Variants in RHOJ observed in about 807,000 individuals in gnomAD.
RHOJ encodes rho-related GTP-binding protein RhoJ.
Under a neutral mutation model 23.4 loss-of-function variants are expected in RHOJ, and 11 were observed. That is an observed-to-expected ratio of 0.47 (90% CI 0.30 to 0.78). The LOEUF (loss-of-function observed/expected upper bound fraction) is 0.78, where lower values mean the gene tolerates loss of function less well. Ranked by LOEUF, RHOJ falls within the 30% of genes least tolerant of loss-of-function variation. The pLI is 0.08. For missense variants in RHOJ, 254 were observed against 273.4 expected, an observed-to-expected ratio of 0.93 and a Z score of 0.50; for synonymous variants, 102 against 102.7, an observed-to-expected ratio of 0.99 and a Z score of 0.04.
At chr14:63,226,596 A>G (rs1395668503) in intron 1 of RHOJ, among the ~76,000 whole-genome samples, 1 of 151,126 alleles carries the variant, frequency 6.6e-6, no homozygotes, top group African/African-American at 2.4e-5. Context: ...TATATATACA[A>G]GAATAAACAA....
At chr14:63,227,720 C>A (rs1894621165) in intron 1 of RHOJ, among the ~76,000 whole-genome samples, 1 of 152,148 alleles carries the variant, frequency 6.6e-6, no homozygotes, top group African/African-American at 2.4e-5. Flanking sequence ...AGAAGAAAAA[C>A]AAACTATTCA....
chr14:63,262,504 G>T (rs1361449318), intron 1 of RHOJ, among the ~76,000 whole-genome samples: 1 of 152,176 alleles, frequency 6.6e-6, no homozygotes, highest in Non-Finnish European at 1.5e-5. Context: ...TTTATTGAGA[G>T]AACCCTCTGA....
intron 1 of RHOJ, among the ~76,000 whole-genome samples, chr14:63,263,321 G>A (rs1192658567): frequency 6.6e-6 from 1 of 152,170 alleles, no homozygotes; most frequent in African/African-American, 2.4e-5. Context: ...GTGACTGACT[G>A]ATTTCCAAAT....
intron 1 of RHOJ, among the ~76,000 whole-genome samples, chr14:63,217,478 G>A (rs976705852): frequency 6.6e-6 from 1 of 151,902 alleles, no homozygotes; most frequent in African/African-American, 2.4e-5. Flanking sequence ...GGGAAAACTG[G>A]CTAGCCATAT....
At chr14:63,267,084 G>T (rs1019270262) in intron 1 of RHOJ, among the ~76,000 whole-genome samples, 1 of 152,154 alleles carries the variant, frequency 6.6e-6, no homozygotes, top group Non-Finnish European at 1.5e-5. Context: ...TGGTCTTTCT[G>T]CTCCTACCAT....
At chr14:63,290,764 C>T in intron 4 of RHOJ, 114 bp from the exon 5 acceptor site, 2 of 976,846 alleles carry the variant, frequency 2.0e-6, no homozygotes, top group South Asian at 1.8e-5. Flanking sequence ...CAAACCACCC[C>T]ACAGGCTGTT....
chr14:63,290,794 A>G lies in RHOJ; in HGVS notation c.499-84A>G, dbSNP rs1882224775. On this transcript the variant is annotated intron_variant, in intron 4 of 4. Coordinates refer to ENST00000316754, the MANE Select transcript of RHOJ (RefSeq NM_020663.5). ...GCTGTTTGTAGGACAGGCAGAAGTA[A>G]GTGCTTGTCTGGGCAGTGAGTTGAT... 32 of 1,358,372 alleles carry G rather than the reference A, an allele frequency of 2.4e-5. 1 individual carries two copies. The South Asian group carries it at 3.8e-4, about 16-fold the overall frequency. 84.1% of individuals were successfully genotyped at this position (1,358,372 alleles called of 1,614,324 possible). A position where few individuals can be genotyped will look rare whatever the true frequency, so the allele number is the denominator to read the frequency against.
At chr14:63,214,873 G>T (rs1190169729) in intron 1 of RHOJ, among the ~76,000 whole-genome samples, 1 of 151,992 alleles carries the variant, frequency 6.6e-6, no homozygotes, top group Non-Finnish European at 1.5e-5. Flanking sequence ...CTCCGCAAAT[G>T]AAAAAAATAA....
intron 1 of RHOJ, among the ~76,000 whole-genome samples, chr14:63,264,509 GT>G (rs1387537535): frequency 6.6e-6 from 1 of 152,178 alleles, no homozygotes; most frequent in Non-Finnish European, 1.5e-5. Flanking sequence ...TGGGAGAACA[GT>G]TTTTTGGTCT....
chr14:63,284,967 G>T (rs958900390), intron 4 of RHOJ, among the ~76,000 whole-genome samples: 2 of 152,160 alleles, frequency 1.3e-5, no homozygotes, highest in African/African-American at 2.4e-5. Context: ...CTCAGATACA[G>T]ACGGAATCAT....
At chr14:63,271,298 G>A (rs1447289590) in intron 2 of RHOJ, among the ~76,000 whole-genome samples, 1 of 152,190 alleles carries the variant, frequency 6.6e-6, no homozygotes, top group East Asian at 1.9e-4. Context: ...CTGTGATGAG[G>A]ACTTTTCACA....
chr14:63,221,132 C>A (rs1374944299), intron 1 of RHOJ, among the ~76,000 whole-genome samples: 1 of 152,060 alleles, frequency 6.6e-6, no homozygotes, highest in Non-Finnish European at 1.5e-5. Flanking sequence ...AGTTCGAGAC[C>A]AGCCTGGGCA....
At chr14:63,285,846 T>C (rs1882066474) in intron 4 of RHOJ, among the ~76,000 whole-genome samples, 1 of 152,242 alleles carries the variant, frequency 6.6e-6, no homozygotes, top group South Asian at 2.1e-4. Context: ...GTGCATTCTC[T>C]TTCCCAGTTC....
At chr14:63,238,431 T>A (rs973599769) in intron 1 of RHOJ, among the ~76,000 whole-genome samples, 35 of 151,374 alleles carry the variant, frequency 2.3e-4, no homozygotes, top group Middle Eastern at 3.4e-3. Context: ...TATTATTATT[T>A]TTTTAGACAG....
rs574687879 is a variant in RHOJ, at chr14:63,241,656, A to C, written c.179-27454A>C. On this transcript the variant is annotated intron_variant, in intron 1 of 4. Coordinates refer to ENST00000316754, the MANE Select transcript of RHOJ (RefSeq NM_020663.5). Reference sequence around the variant, plus strand: ...GTTATGTTGTTAAGAGGTTACGAGGAAAAAAAGTACAGGCTGGCACCAGAG... The same window carrying C: ...GTTATGTTGTTAAGAGGTTACGAGGCAAAAAAGTACAGGCTGGCACCAGAG... 1.8e-3 allele frequency among the ~76,000 whole-genome samples: 279 copies of C among 152,274 alleles called. 2 individuals are homozygous for C. Among genetic ancestry groups the C allele is most frequent in the African/African-American group, 6.5e-3 (270 of 41,556 alleles).
Position 63,204,884 on chromosome 14 carries a change from G to A in RHOJ, c.15G>A (p.Glu5=). ...GAGCCGCAAGAATGAACTGCAAAGA[G>A]GGAACTGACAGCAGCTGCGGCTGCA... MNCK[E]GTDSSCGCRG... Residue 5 remains glutamate (E), a synonymous_variant, in exon 1 of 5, where the codon GAG becomes GAA. Transcript: ENST00000316754. The A allele has an allele frequency of 1.9e-6, 3 of 1,613,654 alleles. No homozygotes were observed. Among genetic ancestry groups the A allele is most frequent in the Non-Finnish European group, 2.5e-6 (3 of 1,179,774 alleles).
intron 1 of RHOJ, among the ~76,000 whole-genome samples, chr14:63,229,919 T>A (rs1415346444): frequency 6.6e-6 from 1 of 152,200 alleles, no homozygotes; most frequent in South Asian, 2.1e-4. Flanking sequence ...GCTCTTAACA[T>A]GTCAACACTA....
chr14:63,223,453 ACT>A (rs1264727437), intron 1 of RHOJ, among the ~76,000 whole-genome samples: 2 of 151,874 alleles, frequency 1.3e-5, no homozygotes, highest in African/African-American at 4.8e-5. Context: ...ATTGCCCAAA[ACT>A]CCATTCTCTC....
intron 1 of RHOJ, among the ~76,000 whole-genome samples, chr14:63,231,204 A>G (rs943378586): frequency 6.6e-5 from 10 of 152,086 alleles, no homozygotes; most frequent in African/African-American, 2.4e-4. Flanking sequence ...TTTCACTTTT[A>G]ATTATTTTTA....
Sources: allele counts gnomAD v4.1 joint callset (sites outside exome capture counted in the v4.1 genomes callset), GRCh38; gene constraint gnomAD v4.1.1; transcripts MANE v1.5; gene names NCBI Gene and HGNC (gene_info 2026-07-23, HGNC 2026-07-21).